Variants in PABPC4L observed in about 807,000 individuals in gnomAD.
PABPC4L encodes polyadenylate-binding protein 4-like.
For missense variants in PABPC4L, 452 were observed against 451.4 expected, an observed-to-expected ratio of 1.00 and a Z score of -0.01; for synonymous variants, 169 against 164.1, an observed-to-expected ratio of 1.03 and a Z score of -0.23.
chr4:134,030,210 A>C, the PABPC4L span, among the ~76,000 whole-genome samples: 5 of 152,166 alleles, frequency 3.3e-5, no homozygotes, highest in East Asian at 9.7e-4. Flanking sequence ...AGATACCCGA[A>C]AATGTGGGAG....
the PABPC4L span, among the ~76,000 whole-genome samples, chr4:134,069,206 G>A: frequency 3.3e-5 from 5 of 152,208 alleles, no homozygotes; most frequent in East Asian, 7.7e-4. Context: ...ACCCTGTTAA[G>A]TTTCCCTCTA....
the PABPC4L span, among the ~76,000 whole-genome samples, chr4:134,103,544 T>C: frequency 6.6e-6 from 1 of 151,750 alleles, no homozygotes; most frequent in Middle Eastern, 3.4e-3. Context: ...TCATATTGAT[T>C]AGGGCATATC....
chr4:134,200,091 C>T lies in PABPC4L; in HGVS notation c.929G>A (p.Arg310Gln), dbSNP rs866386625. Reference sequence around the variant, plus strand: ...TGATCCAAATGAAGAAAATTCGTTTCGTAGTTTTTCATCATCGATGGTGTC... The same window carrying T: ...TGATCCAAATGAAGAAAATTCGTTTTGTAGTTTTTCATCATCGATGGTGTC... ...LDDTIDDEKL[R>Q]NEFSSFGSIS... is the part of the protein sequence containing the mutation. The change falls in exon 2 of 2, where the codon CGA becomes CAA. Residue 310 changes from arginine (R) to glutamine (Q), a missense_variant. Coordinates refer to ENST00000421491, the MANE Select transcript of PABPC4L (RefSeq NM_001114734.2). 3.2e-6 allele frequency: 5 copies of T among 1,551,508 alleles called. No individual in the cohort carries two copies. Among genetic ancestry groups the T allele is most frequent in the African/African-American group, 1.4e-5 (1 of 73,024 alleles).
chr4:134,066,851 G>A, the PABPC4L span, among the ~76,000 whole-genome samples: 1 of 152,016 alleles, frequency 6.6e-6, no homozygotes, highest in Non-Finnish European at 1.5e-5. Flanking sequence ...TTATTGATTT[G>A]CATATGTTAA....
At chr4:134,147,838 A>G in the PABPC4L span, among the ~76,000 whole-genome samples, 1 of 151,792 alleles carries the variant, frequency 6.6e-6, no homozygotes, top group Non-Finnish European at 1.5e-5. Context: ...TTCAAATGTC[A>G]TTGTTGGAGA....
chr4:134,066,641 GC>G, the PABPC4L span, among the ~76,000 whole-genome samples: 6 of 152,176 alleles, frequency 3.9e-5, no homozygotes, highest in East Asian at 1.2e-3. Flanking sequence ...AATGCTTCCA[GC>G]TTTTGCCCGT....
chr4:134,188,108 G>A, the PABPC4L span, among the ~76,000 whole-genome samples: 4 of 151,500 alleles, frequency 2.6e-5, no homozygotes, highest in Admixed American at 2.6e-4. Context: ...ATGTGTGTGT[G>A]TGCAGGGGTG....
the PABPC4L span, among the ~76,000 whole-genome samples, chr4:134,071,376 C>T: frequency 2.6e-5 from 4 of 152,156 alleles, no homozygotes; most frequent in African/African-American, 9.7e-5. Flanking sequence ...CTAGCTGCAT[C>T]TTATCAGACA....
At chr4:134,151,426 T>C in the PABPC4L span, among the ~76,000 whole-genome samples, 1 of 152,070 alleles carries the variant, frequency 6.6e-6, no homozygotes, top group Non-Finnish European at 1.5e-5. Flanking sequence ...ATCAAAACGA[T>C]CATATTATAA....
the PABPC4L span, among the ~76,000 whole-genome samples, chr4:133,977,112 A>G: frequency 3.9e-5 from 6 of 152,268 alleles, no homozygotes; most frequent in East Asian, 1.2e-3. Context: ...AAAGTGGTCC[A>G]GGTTTAATTT....
the PABPC4L span, among the ~76,000 whole-genome samples, chr4:134,102,220 G>A: frequency 1.9e-4 from 29 of 151,478 alleles, no homozygotes; most frequent in African/African-American, 4.8e-4. Flanking sequence ...AGAATACTGC[G>A]TGATTTCCTG....
chr4:133,954,202 C>T, the PABPC4L span, among the ~76,000 whole-genome samples: 8 of 152,292 alleles, frequency 5.3e-5, no homozygotes, highest in Admixed American at 1.3e-4. Flanking sequence ...CCCTGATCTT[C>T]CTGTTCTTTA....
chr4:134,034,448 G>T, the PABPC4L span, among the ~76,000 whole-genome samples: 4 of 151,908 alleles, frequency 2.6e-5, no homozygotes, highest in South Asian at 2.1e-4. Context: ...ATTTTGTAAG[G>T]CTACAGCTGC....
chr4:134,043,205 T>C, the PABPC4L span, among the ~76,000 whole-genome samples: 2 of 152,170 alleles, frequency 1.3e-5, no homozygotes, highest in Admixed American at 6.6e-5. Context: ...TATTAAATTA[T>C]GTTGTATTTT....
chr4:133,958,152 T>C, the PABPC4L span, among the ~76,000 whole-genome samples: 1 of 152,238 alleles, frequency 6.6e-6, no homozygotes, highest in South Asian at 2.1e-4. Context: ...CAAACTTTAA[T>C]GCTCTGCTTC....
At chr4:133,954,558 T>C in the PABPC4L span, among the ~76,000 whole-genome samples, 3 of 151,944 alleles carry the variant, frequency 2.0e-5, no homozygotes, top group Non-Finnish European at 4.4e-5. Flanking sequence ...CCTTCAGAAT[T>C]CTCCCCAACA....
chr4:133,949,575 C>CT, the PABPC4L span, among the ~76,000 whole-genome samples: 1 of 152,210 alleles, frequency 6.6e-6, no homozygotes, highest in Admixed American at 6.5e-5. Flanking sequence ...GCCCCTTTTA[C>CT]TTTTTTCTAG....
chr4:134,113,387 A>G, the PABPC4L span, among the ~76,000 whole-genome samples: 1 of 151,970 alleles, frequency 6.6e-6, no homozygotes, highest in African/African-American at 2.4e-5. Context: ...TTTTTCTTTT[A>G]TATCATATTT....
chr4:134,060,874 A>G, the PABPC4L span, among the ~76,000 whole-genome samples: 1 of 152,186 alleles, frequency 6.6e-6, no homozygotes, highest in Admixed American at 6.6e-5. Context: ...TATTAAAACA[A>G]TTGAACTCAT....
Sources: allele counts gnomAD v4.1 joint callset (sites outside exome capture counted in the v4.1 genomes callset), GRCh38; gene constraint gnomAD v4.1.1; transcripts MANE v1.5; gene names NCBI Gene and HGNC (gene_info 2026-07-23, HGNC 2026-07-21).